The following ASTN2 variants were observed in gnomAD, a reference collection of about 807,000 sequenced individuals.
The protein encoded by ASTN2 is astrotactin-2.
ASTN2 carries 54 observed loss-of-function variants against 139.8 expected under a neutral mutation model. That is an observed-to-expected ratio of 0.39 (90% CI 0.31 to 0.48). The LOEUF is 0.48. ASTN2 is among the 20% of genes least tolerant of loss of function. The pLI is 0.95. For synonymous variants in ASTN2, 756 were observed against 719.5 expected (o/e 1.05, Z -0.81); for missense variants, 1,565 against 1,725.1 (o/e 0.91, Z 1.64).
intron 1 of ASTN2, among the ~76,000 whole-genome samples, chr9:117,373,735 A>G (rs976331795): frequency 2.6e-5 from 4 of 152,204 alleles, no homozygotes; most frequent in African/African-American, 7.2e-5. Context: ...TATGATCTGT[A>G]TTTTGCCAGA....
chr9:116,494,865 G>A (rs1223472823), intron 19 of ASTN2, among the ~76,000 whole-genome samples: 2 of 152,150 alleles, frequency 1.3e-5, no homozygotes, highest in Non-Finnish European at 2.9e-5. Flanking sequence ...TCCAGACTGC[G>A]AGATGCCTGG....
chr9:117,109,906 T>C (rs1829207884), intron 4 of ASTN2, among the ~76,000 whole-genome samples: 1 of 152,150 alleles, frequency 6.6e-6, no homozygotes, highest in Non-Finnish European at 1.5e-5. Flanking sequence ...CCTATACAAG[T>C]ATATCTTCTC....
intron 4 of ASTN2, among the ~76,000 whole-genome samples, chr9:117,120,331 A>C (rs1003946951): frequency 6.6e-6 from 1 of 151,984 alleles, no homozygotes; most frequent in Non-Finnish European, 1.5e-5. Flanking sequence ...CAGTTTTCAG[A>C]CTTGTATTCA....
chr9:117,000,348 T>C (rs1837159999), intron 7 of ASTN2, among the ~76,000 whole-genome samples: 1 of 152,220 alleles, frequency 6.6e-6, no homozygotes, highest in East Asian at 1.9e-4. Flanking sequence ...GATATCCCAA[T>C]TCTACTGTGG....
chr9:116,958,385 T>C (rs1193333105), intron 10 of ASTN2, among the ~76,000 whole-genome samples: 2 of 151,914 alleles, frequency 1.3e-5, no homozygotes, highest in African/African-American at 2.4e-5. Flanking sequence ...GGTCAGGAGA[T>C]TGAGACCATC....
chr9:117,137,749 A>T (rs1829987261), intron 4 of ASTN2, among the ~76,000 whole-genome samples: 1 of 152,112 alleles, frequency 6.6e-6, no homozygotes, highest in African/African-American at 2.4e-5. Context: ...TGTCCAAGGA[A>T]ATCTTGATGG....
chr9:116,743,666 G>A (rs1327140489), intron 13 of ASTN2, among the ~76,000 whole-genome samples: 1 of 152,046 alleles, frequency 6.6e-6, no homozygotes, highest in Admixed American at 6.5e-5. Context: ...CCACCCCACC[G>A]AGCTAATTGT....
At chr9:116,837,250 C>A (rs1425553756) in intron 11 of ASTN2, among the ~76,000 whole-genome samples, 2 of 152,138 alleles carry the variant, frequency 1.3e-5, no homozygotes, top group Non-Finnish European at 2.9e-5. Flanking sequence ...TGGAGGCGTG[C>A]CTCTTTGCTG....
intron 19 of ASTN2, among the ~76,000 whole-genome samples, chr9:116,609,131 A>G (rs1043591283): frequency 6.6e-6 from 1 of 151,954 alleles, no homozygotes; most frequent in African/African-American, 2.4e-5. Flanking sequence ...TTGTTGGAGG[A>G]AAAGAAAAAT....
intron 20 of ASTN2, among the ~76,000 whole-genome samples, chr9:116,454,597 T>G (rs7852287): frequency 0.19 from 29,267 of 152,232 alleles, 3,423 homozygotes; most frequent in Middle Eastern, 0.29. Flanking sequence ...CACATATGTT[T>G]ATTGTGGCAC....
At position 117,281,644 on chromosome 9, in the gene ASTN2, G is replaced by A; in HGVS notation, c.630+9682C>T. On this transcript the variant is annotated intron_variant, in intron 2 of 22. Coordinates refer to ENST00000313400, the MANE Select transcript of ASTN2 (RefSeq NM_001365068.1). Reference sequence around the variant, plus strand: ...AGGGGAGGAAAATGTGGAACAGGAGGCTGGGGCAGAGGAAGTTGGGAATGG... The same window carrying A: ...AGGGGAGGAAAATGTGGAACAGGAGACTGGGGCAGAGGAAGTTGGGAATGG... Among the ~76,000 whole-genome samples, 4 of 151,988 alleles carry A rather than the reference G, an allele frequency of 2.6e-5. No individual in the cohort carries two copies. In the Middle Eastern group the frequency reaches 0.01, roughly 390 times the overall value.
chr9:116,852,706 C>T (rs1255932942), intron 11 of ASTN2, among the ~76,000 whole-genome samples: 2 of 151,972 alleles, frequency 1.3e-5, no homozygotes, highest in Non-Finnish European at 2.9e-5. Flanking sequence ...ATCCATTTAT[C>T]CTCAAGACCT....
chr9:116,934,373 A>C lies in ASTN2; in HGVS notation c.1889+40835T>G, dbSNP rs542951198. 3.3e-5 allele frequency among the ~76,000 whole-genome samples: 5 copies of C among 152,320 alleles called. No individual in the cohort carries two copies. In the South Asian group the frequency reaches 6.2e-4, roughly 19 times the overall value. On this transcript the variant is annotated intron_variant, in intron 10 of 22. Coordinates refer to ENST00000313400, the MANE Select transcript of ASTN2 (RefSeq NM_001365068.1). Reference sequence around the variant, plus strand: ...AAACACTTTGCAATTAACAGAGTCGAGTGTGTCATTAAGACAACCTTATGA... The same window carrying C: ...AAACACTTTGCAATTAACAGAGTCGCGTGTGTCATTAAGACAACCTTATGA...
intron 1 of ASTN2, among the ~76,000 whole-genome samples, chr9:117,344,268 C>G (rs189553060): frequency 2.6e-5 from 4 of 152,262 alleles, no homozygotes; most frequent in Admixed American, 2.6e-4. Flanking sequence ...GACTTCAAAG[C>G]CCTCTACGTA....
chr9:117,382,147 C>G (rs969684819), intron 1 of ASTN2, among the ~76,000 whole-genome samples: 3 of 152,120 alleles, frequency 2.0e-5, no homozygotes, highest in Non-Finnish European at 2.9e-5. Context: ...GGCTGGTCAA[C>G]ATGACTTGGA....
rs141405902 is a variant in ASTN2 at position 116,531,085 on chromosome 9, G to A, written c.3356-43585C>T. 7.4e-3 allele frequency among the ~76,000 whole-genome samples: 1,120 copies of A among 152,254 alleles called. 16 individuals carry two copies. The highest frequency in any genetic ancestry group is 0.026 in the African/African-American group (1,073 of 41,556). On this transcript the variant is annotated intron_variant, in intron 19 of 22. Coordinates refer to ENST00000313400, the MANE Select transcript of ASTN2 (RefSeq NM_001365068.1). ...TATGTATTAATGTAAGCTGAGACAC[G>A]TTCTTGGCCCCATCTCATCCATTAG...
intron 1 of ASTN2, among the ~76,000 whole-genome samples, chr9:117,383,808 T>G (rs1208139030): frequency 6.6e-6 from 1 of 152,218 alleles, no homozygotes; most frequent in Non-Finnish European, 1.5e-5. Flanking sequence ...GTCTGGGAGC[T>G]GATACAAATG....
Position 116,963,123 on chromosome 9 carries a change from C to A in ASTN2, c.1889+12085G>T, listed in dbSNP as rs369464883. On this transcript the variant is annotated intron_variant, in intron 10 of 22. Transcript: ENST00000313400. Reference sequence around the variant, plus strand: ...ATGCAATATAAGGCAATGCCCTGACCCTTACATCTGGAAAAAATATTTTTG... The same window carrying A: ...ATGCAATATAAGGCAATGCCCTGACACTTACATCTGGAAAAAATATTTTTG... Among the ~76,000 whole-genome samples the A allele has an allele frequency of 4.6e-5, 7 of 152,136 alleles. No homozygotes were observed. In the East Asian group the frequency reaches 1.2e-3, roughly 25 times the overall value.
At chr9:116,660,694 C>T (rs1858508223) in intron 16 of ASTN2, among the ~76,000 whole-genome samples, 1 of 152,100 alleles carries the variant, frequency 6.6e-6, no homozygotes, top group African/African-American at 2.4e-5. Context: ...CAAAAATTTC[C>T]CCTTAAATTA....
Sources: gnomAD v4.1 joint callset for allele counts (sites outside exome capture counted in the v4.1 genomes callset) on GRCh38, gnomAD v4.1.1 for gene constraint, MANE v1.5 for transcripts, NCBI Gene and HGNC (gene_info 2026-07-23, HGNC 2026-07-21) for gene names.